The following ADAMTSL1 variants were observed in gnomAD, a reference collection of about 807,000 sequenced individuals.
ADAMTSL1 encodes ADAMTS-like protein 1.
A neutral mutation model predicts 201.8 loss-of-function variants in ADAMTSL1; 126 were observed. The observed-to-expected ratio is 0.62, with a 90% CI of 0.54 to 0.72. The LOEUF is 0.72. Ranked by LOEUF, ADAMTSL1 falls within the 30% of genes least tolerant of loss-of-function variation. ADAMTSL1 has a pLI of 0.00. For synonymous variants in ADAMTSL1, 1,121 were observed against 903.4 expected (o/e 1.24, Z -4.32); for missense variants, 2,679 against 2,277.8 (o/e 1.18, Z -3.59).
At chr9:18,265,693 C>G (rs1832094046) in intron 2 of ADAMTSL1, among the ~76,000 whole-genome samples, 1 of 152,042 alleles carries the variant, frequency 6.6e-6, no homozygotes, top group African/African-American at 2.4e-5. Flanking sequence ...CTCATATAAG[C>G]ATTGAGAAAT....
chr9:18,514,327 C>CTTTTTTTTTT (rs397963773), intron 2 of ADAMTSL1, among the ~76,000 whole-genome samples: 12 of 100,092 alleles, frequency 1.2e-4, no homozygotes, highest in Non-Finnish European at 1.6e-4. Context: ...ATTTTTCTTT[C>CTTTTTTTTTT]TTTTTTTTTT....
intron 1 of ADAMTSL1, among the ~76,000 whole-genome samples, chr9:17,974,033 CA>C (rs1404660563): frequency 6.6e-6 from 1 of 151,922 alleles, no homozygotes; most frequent in Non-Finnish European, 1.5e-5. Flanking sequence ...GAGACTTCGA[CA>C]AAATTCAACA....
At chr9:18,150,363 A>G (rs371389303) in intron 1 of ADAMTSL1, among the ~76,000 whole-genome samples, 1 of 152,022 alleles carries the variant, frequency 6.6e-6, no homozygotes, top group African/African-American at 2.4e-5. Context: ...AAAAGGGATG[A>G]CCTACTAGGT....
intron 9 of ADAMTSL1, among the ~76,000 whole-genome samples, chr9:18,672,293 C>T (rs1185414988): frequency 6.6e-6 from 1 of 151,868 alleles, no homozygotes; most frequent in African/African-American, 2.4e-5. Context: ...AGGTGATGGC[C>T]TCATTTCATC....
chr9:18,794,930 T>A (rs1466759038), intron 19 of ADAMTSL1, among the ~76,000 whole-genome samples: 4 of 152,190 alleles, frequency 2.6e-5, no homozygotes, highest in Non-Finnish European at 5.9e-5. Context: ...GCATGAGCCA[T>A]GGTGTCTGGC....
chr9:18,039,559 T>A (rs1821348431), intron 1 of ADAMTSL1, among the ~76,000 whole-genome samples: 1 of 152,172 alleles, frequency 6.6e-6, no homozygotes, highest in Non-Finnish European at 1.5e-5. Flanking sequence ...AACAAACATT[T>A]TTCACAAGGA....
intron 3 of ADAMTSL1, among the ~76,000 whole-genome samples, chr9:18,534,617 G>A (rs146815904): frequency 1.6e-4 from 25 of 152,188 alleles, no homozygotes; most frequent in Middle Eastern, 3.4e-3. Context: ...TTTCTCTTCC[G>A]CATTGCCCAG....
chr9:18,336,990 G>T (rs1426497636), intron 2 of ADAMTSL1, among the ~76,000 whole-genome samples: 2 of 152,090 alleles, frequency 1.3e-5, no homozygotes, highest in African/African-American at 4.8e-5. Context: ...GTGGGTTACT[G>T]TGATGGTTAA....
intron 2 of ADAMTSL1, among the ~76,000 whole-genome samples, chr9:18,219,443 A>C (rs1245614960): frequency 1.3e-5 from 2 of 151,924 alleles, no homozygotes; most frequent in Non-Finnish European, 2.9e-5. Flanking sequence ...ACCTCGGCTC[A>C]CTGCAATGTC....
intron 28 of ADAMTSL1, chr9:18,907,418 C>A: frequency 6.5e-6 from 1 of 154,908 alleles, no homozygotes; most frequent in Non-Finnish European, 1.4e-5. Flanking sequence ...GTCCAGGACC[C>A]CCCAGCCTTG....
intron 15 of ADAMTSL1, among the ~76,000 whole-genome samples, chr9:18,747,718 C>G (rs925729861): frequency 1.3e-5 from 2 of 152,160 alleles, no homozygotes; most frequent in African/African-American, 4.8e-5. Flanking sequence ...TGTGTGATGT[C>G]AGCTGGATTG....
At chr9:18,810,113 A>G (rs1005643840) in intron 20 of ADAMTSL1, among the ~76,000 whole-genome samples, 11 of 152,188 alleles carry the variant, frequency 7.2e-5, no homozygotes, top group Admixed American at 3.9e-4. Context: ...CTAATTCAGT[A>G]TCATTCCAAC....
intron 2 of ADAMTSL1, among the ~76,000 whole-genome samples, chr9:18,351,422 A>G (rs2133028708): frequency 6.6e-6 from 1 of 152,214 alleles, no homozygotes; most frequent in South Asian, 2.1e-4. Context: ...CAGATGAGGA[A>G]CACATAAATA....
intron 1 of ADAMTSL1, among the ~76,000 whole-genome samples, chr9:17,998,631 G>C (rs557785041): frequency 1.3e-5 from 2 of 152,004 alleles, no homozygotes; most frequent in Admixed American, 1.3e-4. Context: ...AAGTCATCTA[G>C]GGAAGGTAAA....
At chr9:18,553,187 G>A (rs1439908716) in intron 3 of ADAMTSL1, among the ~76,000 whole-genome samples, 1 of 143,690 alleles carries the variant, frequency 7.0e-6, no homozygotes, top group Admixed American at 7.0e-5. Context: ...TTTTCTTCTT[G>A]ACTTCTTAGA....
chr9:18,229,981 G>A (rs1830588267), intron 2 of ADAMTSL1, among the ~76,000 whole-genome samples: 1 of 152,152 alleles, frequency 6.6e-6, no homozygotes, highest in Non-Finnish European at 1.5e-5. Context: ...ACAGGTGTGT[G>A]CCACCGCACC....
chr9:18,199,184 C>G (rs1459319303), intron 2 of ADAMTSL1, among the ~76,000 whole-genome samples: 3 of 151,522 alleles, frequency 2.0e-5, no homozygotes, highest in South Asian at 4.2e-4. Context: ...GGGTGCAGTG[C>G]ACCAGCATGG....
chr9:18,672,091 C>A (rs1332889381), intron 9 of ADAMTSL1, among the ~76,000 whole-genome samples: 3 of 151,560 alleles, frequency 2.0e-5, no homozygotes, highest in Non-Finnish European at 4.4e-5. Flanking sequence ...ATTAGGTGCC[C>A]ATGGAGTTAA....
At chr9:18,637,994 A>G (rs1827204500) in intron 6 of ADAMTSL1, among the ~76,000 whole-genome samples, 1 of 152,114 alleles carries the variant, frequency 6.6e-6, no homozygotes, top group Non-Finnish European at 1.5e-5. Flanking sequence ...CAGTTTGAGG[A>G]ATGAAGGCTG....
Sources: allele counts gnomAD v4.1 joint callset (sites outside exome capture counted in the v4.1 genomes callset), GRCh38; gene constraint gnomAD v4.1.1; transcripts MANE v1.5; gene names NCBI Gene and HGNC (gene_info 2026-07-23, HGNC 2026-07-21).